The following COQ8B variants were observed in gnomAD, a reference collection of about 807,000 sequenced individuals.
The protein encoded by COQ8B is atypical kinase COQ8B, mitochondrial.
In COQ8B, 44 loss-of-function variants were observed where a neutral mutation model predicts 62.0. The observed-to-expected ratio is 0.71, with a 90% CI of 0.56 to 0.91. The LOEUF (loss-of-function observed/expected upper bound fraction) is 0.91. COQ8B is among the 40% of genes least tolerant of loss of function. The probability of loss-of-function intolerance (pLI) is 0.00; values close to 1 mark genes in which losing one functional copy is unlikely to be tolerated. For missense variants in COQ8B, 649 were observed against 731.6 expected, an observed-to-expected ratio of 0.89 and a Z score of 1.30; for synonymous variants, 252 against 289.9, an observed-to-expected ratio of 0.87 and a Z score of 1.33.
intron 5 of COQ8B, among the ~76,000 whole-genome samples, chr19:40,707,898 A>G (rs2144707420): frequency 6.6e-6 from 1 of 152,298 alleles, no homozygotes; most frequent in East Asian, 1.9e-4. Context: ...GGATCCTGAG[A>G]CCAAGAAGTT....
chr19:40,691,860 C>A lies in COQ8B; in HGVS notation c.*175G>T. On this transcript the variant is annotated 3_prime_UTR_variant, in exon 15 of 15. Coordinates refer to ENST00000324464, the MANE Select transcript of COQ8B (RefSeq NM_024876.4). ...GTGGGGAGGTGCAGGATCTAGGGCA[C>A]GAAGTTGGGAGTTCCCCAGCCCCAG... 1.9e-6 allele frequency: 1 copy of A among 528,790 alleles called. No individual in the cohort carries two copies. Among genetic ancestry groups the A allele is most frequent in the African/African-American group, 1.9e-5 (1 of 52,350 alleles). The allele number at this position is 528,790 out of a possible 1,614,324, so 32.8% of individuals were successfully genotyped here.
chr19:40,705,019 G>A, intron 7 of COQ8B, 77 bp downstream of exon 7: 1 of 1,375,404 alleles, frequency 7.3e-7, no homozygotes, highest in Non-Finnish European at 9.9e-7. Flanking sequence ...GAGTGGGGCA[G>A]TGAAGCCAGG....
intron 5 of COQ8B, among the ~76,000 whole-genome samples, chr19:40,709,256 T>C (rs1335622929): frequency 6.6e-6 from 1 of 152,224 alleles, no homozygotes; most frequent in African/African-American, 2.4e-5. Context: ...AAAAAGTCTT[T>C]CATGGCTGTT....
intron 12 of COQ8B, 40 bp from the exon 13 acceptor site, chr19:40,696,094 T>G: frequency 6.3e-7 from 1 of 1,594,936 alleles, no homozygotes; most frequent in East Asian, 2.2e-5. Flanking sequence ...TGGGATCCCA[T>G]TCACACCCTC....
At chr19:40,700,926 A>G (rs2082055948) in intron 10 of COQ8B, 1 of 164,780 alleles carries the variant, frequency 6.1e-6, no homozygotes, top group African/African-American at 2.4e-5. Context: ...TTCTGTGTCC[A>G]TCCTTGTGCT....
chr19:40,703,227 C>A, intron 9 of COQ8B: 1 of 376,072 alleles, frequency 2.7e-6, no homozygotes, highest in East Asian at 4.9e-5. Flanking sequence ...ACGTGCCATC[C>A]CCAGGACTGT....
chr19:40,702,668 C>A lies in COQ8B; in HGVS notation c.825G>T (p.Gln275His), dbSNP rs755480775. The A allele has an allele frequency of 1.2e-6, 2 of 1,610,348 alleles. No homozygotes were observed. The highest frequency in any genetic ancestry group is 1.7e-6 in the Non-Finnish European group (2 of 1,179,948). The change falls in exon 10 of 15, where the codon CAG (glutamine) becomes CAT (histidine). Residue 275 changes from glutamine (Q) to histidine (H), a missense_variant. By Grantham distance (24) the Gln-to-His change is conservative. Coordinates refer to ENST00000324464, the MANE Select transcript of COQ8B (RefSeq NM_024876.4). ...CCCAAGCCAGCTCCTGCTGCAAGGC[C>A]TGCAGGCTCTGCTCGGCAAACAGGC... ...PAGLFAEQSL[Q>H]ALQQELAWEC...
At position 40,714,066 on chromosome 19, in the gene COQ8B, C is replaced by A. The variant is rs750128167; in HGVS notation, c.289+1G>T. 8.7e-6 allele frequency: 14 copies of A among 1,613,948 alleles called. No individual in the cohort carries two copies. The highest frequency in any genetic ancestry group is 1.7e-5 in the Admixed American group (1 of 59,980). ...CCAAGATCCCCCAAAGTCACACCTA[C>A]CCCCAAAGTTGGCCAAGCGGCTGAT... On this transcript the variant is annotated splice_donor_variant, in intron 4 of 14. Transcript: ENST00000324464. LOFTEE classifies it high-confidence loss of function.
intron 10 of COQ8B, chr19:40,701,107 C>T (rs2082057383): frequency 6.6e-6 from 1 of 152,238 alleles, no homozygotes; most frequent in South Asian, 2.1e-4. Flanking sequence ...GTGGGAGAAT[C>T]GCTTGAGCCC....
At chr19:40,716,132 T>C (rs2082183709) in intron 1 of COQ8B, among the ~76,000 whole-genome samples, 1 of 152,134 alleles carries the variant, frequency 6.6e-6, no homozygotes, top group Non-Finnish European at 1.5e-5. Context: ...TATGAGGTAC[T>C]AGGTGGGCTC....
rs1599627762 is a variant in COQ8B at position 40,700,181 on chromosome 19, T to G, written c.1036-7A>C. ...TCAGGAGCTGGAAGCAAATCTGGGG[T>G]GGGGAGAATTAACAGGCATCTCAGT... On this transcript the variant is annotated splice_polypyrimidine_tract_variant and splice_region_variant and intron_variant, in intron 11 of 14. Coordinates refer to ENST00000324464, the MANE Select transcript of COQ8B (RefSeq NM_024876.4). The G allele has an allele frequency of 1.9e-6, 3 of 1,613,916 alleles. No homozygotes were observed. The highest frequency in any genetic ancestry group is 2.5e-6 in the Non-Finnish European group (3 of 1,179,930).
chr19:40,706,356 A>C (rs1381434923), intron 5 of COQ8B, among the ~76,000 whole-genome samples: 2 of 152,238 alleles, frequency 1.3e-5, no homozygotes, highest in Non-Finnish European at 2.9e-5. Flanking sequence ...CATGCGTCTA[A>C]GAACATTCAC....
chr19:40,692,291 C>G lies in COQ8B; in HGVS notation c.1379G>C (p.Gly460Ala), dbSNP rs1174623236. Reference sequence around the variant, plus strand: ...GTCCTGTATGCGGCGGGCCGTTTCCCCCGACCCAAAGTCATAAGGGCCCTG... The same window carrying G: ...GTCCTGTATGCGGCGGGCCGTTTCCGCCGACCCAAAGTCATAAGGGCCCTG... ...ATQGPYDFGS[G>A]ETARRIQDLI... Residue 460 changes from glycine to alanine, a missense_variant, in exon 15 of 15, where the codon GGG becomes GCG. Transcript: ENST00000324464. 2 of 1,613,706 alleles carry G rather than the reference C, an allele frequency of 1.2e-6. No homozygotes were observed. The highest frequency in any genetic ancestry group is 3.3e-5 in the Admixed American group (2 of 59,994).
At position 40,714,281 on chromosome 19, in the gene COQ8B, G is replaced by A. The variant is rs1455691331; in HGVS notation, c.219C>T (p.Pro73=). The change falls in exon 3 of 15, where the codon CCC becomes CCT. Residue 73 remains proline, a synonymous_variant. Transcript: ENST00000324464. The part of the protein sequence containing the change: ...REARPRKTPR[P]QLSDRSRERK... ...GGGTGGGTGGGGGTAATGATACCTG[G>A]GGCCGGGGTGTCTTCCTGGGACGGG... The A allele has an allele frequency of 6.2e-7, 1 of 1,611,948 alleles. No individual in the cohort carries two copies. Among genetic ancestry groups the A allele is most frequent in the African/African-American group, 1.3e-5 (1 of 74,902 alleles).
intron 1 of COQ8B, chr19:40,715,671 C>T: frequency 1.1e-6 from 1 of 940,666 alleles, no homozygotes; most frequent in African/African-American, 1.8e-5. Context: ...AGTCTCTGTT[C>T]CCTCACACAC....
chr19:40,702,621 G>GC lies in COQ8B; in HGVS notation c.871dup (p.Ala291GlyfsTer14). 6.2e-7 allele frequency: 1 copy of GC among 1,612,764 alleles called. No homozygotes were observed. On this transcript the variant is annotated frameshift_variant, in exon 10 of 15. Coordinates refer to ENST00000324464, the MANE Select transcript of COQ8B (RefSeq NM_024876.4). LOFTEE classifies it high-confidence loss of function. ...TCACCTGAAATTCTGGGCACAAGCC[G>GC]CCTCACGACGGTAGTCACACTCCCA...
At position 40,714,138 on chromosome 19, in the gene COQ8B, G is replaced by A. The variant is rs764853962; in HGVS notation, c.223-5C>T. ...TTCTCGAGAGCGGTCACTCAGCTGG[G>A]AAATGGGGACAAGGTCTGAGGGTGG... On this transcript the variant is annotated splice_region_variant and splice_polypyrimidine_tract_variant and intron_variant, in intron 3 of 14. Coordinates refer to ENST00000324464, the MANE Select transcript of COQ8B (RefSeq NM_024876.4). 5 of 1,614,194 alleles carry A rather than the reference G, an allele frequency of 3.1e-6. No individual in the cohort carries two copies. In the East Asian group the frequency reaches 1.1e-4, roughly 36 times the overall value.
At position 40,693,037 on chromosome 19, in the gene COQ8B, C is replaced by T; in HGVS notation, c.1210G>A (p.Val404Met). Residue 404 changes from valine to methionine, a missense_variant and splice_region_variant, in exon 14 of 15, where the codon GTG becomes ATG. Transcript: ENST00000324464. ...GTEFTDHYIEVVKAAADGDRD... is the reference protein window; with the variant it reads ...GTEFTDHYIEMVKAAADGDRD... ...TCTCCATCAGCTGCAGCCTTCACCA[C>T]CTGGGGAGACGGGTGGGAGTTAGAG... The T allele has an allele frequency of 6.2e-7, 1 of 1,613,646 alleles. No homozygotes were observed. Among genetic ancestry groups the T allele is most frequent in the Non-Finnish European group, 8.5e-7 (1 of 1,179,710 alleles).
rs1480817872 is a variant in COQ8B, at chr19:40,714,145, G to T, written c.223-12C>A. 6.2e-7 allele frequency: 1 copy of T among 1,614,088 alleles called. No homozygotes were observed. Among genetic ancestry groups the T allele is most frequent in the Non-Finnish European group, 8.5e-7 (1 of 1,180,054 alleles). On this transcript the variant is annotated splice_polypyrimidine_tract_variant and intron_variant, in intron 3 of 14. Transcript: ENST00000324464. ...GAGCGGTCACTCAGCTGGGAAATGG[G>T]GACAAGGTCTGAGGGTGGGAAAGTG...
Sources: allele counts gnomAD v4.1 joint callset (sites outside exome capture counted in the v4.1 genomes callset), GRCh38; gene constraint gnomAD v4.1.1; transcripts MANE v1.5; gene names NCBI Gene and HGNC (gene_info 2026-07-23, HGNC 2026-07-21).